The following PRKCH variants were observed in gnomAD, a reference collection of about 807,000 sequenced individuals.
The protein encoded by PRKCH is protein kinase C eta.
A neutral mutation model predicts 82.5 loss-of-function variants in PRKCH; 28 were observed. The observed-to-expected ratio is 0.34, with a 90% confidence interval of 0.25 to 0.47. The LOEUF is 0.47. PRKCH is among the 20% of genes least tolerant of loss of function. The pLI is 1.00. For missense variants in PRKCH, 705 were observed against 881.8 expected (o/e 0.80, Z 2.54); for synonymous variants, 322 against 327.4 (o/e 0.98, Z 0.18).
At chr14:61,514,685 C>T (rs2042797007) in intron 10 of PRKCH, among the ~76,000 whole-genome samples, 1 of 152,120 alleles carries the variant, frequency 6.6e-6, no homozygotes, top group African/African-American at 2.4e-5. Flanking sequence ...GAGGGAGTTG[C>T]TGTTCAGATT....
intron 1 of PRKCH, among the ~76,000 whole-genome samples, chr14:61,282,518 G>C (rs1189231355): frequency 6.6e-6 from 1 of 152,042 alleles, no homozygotes; most frequent in East Asian, 1.9e-4. Flanking sequence ...TTTAACAGAG[G>C]AATGTTGTTA....
At chr14:61,250,199 C>A (rs1406400402) in intron 1 of PRKCH, among the ~76,000 whole-genome samples, 1 of 150,154 alleles carries the variant, frequency 6.7e-6, no homozygotes, top group Non-Finnish European at 1.5e-5. Flanking sequence ...TGCAGTGAGC[C>A]GAACTCCAGC....
chr14:61,343,115 C>A (rs897679040), intron 1 of PRKCH, among the ~76,000 whole-genome samples: 1 of 152,168 alleles, frequency 6.6e-6, no homozygotes, highest in Admixed American at 6.5e-5. Context: ...AATATAATCG[C>A]TACTTAACTG....
At chr14:61,395,978 G>T (rs993595042) in intron 2 of PRKCH, among the ~76,000 whole-genome samples, 2 of 151,934 alleles carry the variant, frequency 1.3e-5, no homozygotes, top group African/African-American at 2.4e-5. Context: ...TACTTGGGAG[G>T]CTGAGGTGGG....
chr14:61,228,768 C>T (rs1720066672), intron 1 of PRKCH, among the ~76,000 whole-genome samples: 1 of 152,052 alleles, frequency 6.6e-6, no homozygotes, highest in African/African-American at 2.4e-5. Flanking sequence ...GTGTCAGGTA[C>T]CGTGGCTCAT....
chr14:61,203,474 C>A (rs894720433), intron 1 of PRKCH, among the ~76,000 whole-genome samples: 1 of 151,988 alleles, frequency 6.6e-6, no homozygotes, highest in Non-Finnish European at 1.5e-5. Flanking sequence ...AATGACAGGA[C>A]TGAAGATTTG....
intron 1 of PRKCH, among the ~76,000 whole-genome samples, chr14:61,214,915 T>C (rs1370341552): frequency 6.6e-6 from 1 of 152,234 alleles, no homozygotes; most frequent in African/African-American, 2.4e-5. Context: ...GATGTTCTAG[T>C]TGAGCATATT....
At chr14:61,313,362 A>G (rs1313040852) in intron 1 of PRKCH, among the ~76,000 whole-genome samples, 1 of 152,244 alleles carries the variant, frequency 6.6e-6, no homozygotes, top group African/African-American at 2.4e-5. Flanking sequence ...CTTTAGAGAA[A>G]ATGATTACTA....
At chr14:61,343,875 C>G (rs1479385668) in intron 1 of PRKCH, among the ~76,000 whole-genome samples, 1 of 152,180 alleles carries the variant, frequency 6.6e-6, no homozygotes, top group Non-Finnish European at 1.5e-5. Flanking sequence ...TTTGCCTTTT[C>G]CCTGGTCCGG....
intron 1 of PRKCH, among the ~76,000 whole-genome samples, chr14:61,297,726 G>T (rs1334226615): frequency 1.3e-5 from 2 of 151,894 alleles, no homozygotes; most frequent in African/African-American, 4.8e-5. Flanking sequence ...AGTTCAGGGG[G>T]TAATGCTGGC....
At chr14:61,389,176 G>A (rs998902437) in intron 1 of PRKCH, among the ~76,000 whole-genome samples, 1 of 152,176 alleles carries the variant, frequency 6.6e-6, no homozygotes, top group Non-Finnish European at 1.5e-5. Context: ...AGGAGTTCAA[G>A]ACCAGTCTGG....
chr14:61,377,223 T>C (rs1475376539), intron 1 of PRKCH, among the ~76,000 whole-genome samples: 1 of 152,210 alleles, frequency 6.6e-6, no homozygotes, highest in African/African-American at 2.4e-5. Flanking sequence ...ACCTCTCAGA[T>C]TGTATTTTCT....
rs9788588 is a variant in PRKCH, at chr14:61,248,894, C to A, written c.-19+61226C>A. Among the ~76,000 whole-genome samples, 60 of 152,000 alleles carry A rather than the reference C, an allele frequency of 3.9e-4. No homozygotes were observed. The East Asian group carries it at 9.7e-3, about 25-fold the overall frequency. The stretch of plus-strand genomic sequence containing the variant: ...TCGGGTCACTGCAACCTCTGCCTCC[C>A]GGATTCAAGCAACTCTCATGCCTCA... On this transcript the variant is annotated intron_variant, in intron 1 of 3. Transcript: ENST00000555185.
At chr14:61,439,710 G>A (rs1476935272) in intron 2 of PRKCH, among the ~76,000 whole-genome samples, 1 of 152,126 alleles carries the variant, frequency 6.6e-6, no homozygotes, top group Non-Finnish European at 1.5e-5. Context: ...GGGGGAGTTT[G>A]CTCAGGCTCT....
At chr14:61,481,990 C>CTTTTTTTTTTTTT (rs35134897) in intron 9 of PRKCH, among the ~76,000 whole-genome samples, 3 of 101,078 alleles carry the variant, frequency 3.0e-5, no homozygotes, top group African/African-American at 4.2e-5. Flanking sequence ...TTTCCTTTTC[C>CTTTTTTTTTTTTT]TTTTTTTTTT....
intron 1 of PRKCH, among the ~76,000 whole-genome samples, chr14:61,239,106 G>C (rs188793722): frequency 6.6e-6 from 1 of 152,108 alleles, no homozygotes; most frequent in African/African-American, 2.4e-5. Flanking sequence ...CACCAGGCTC[G>C]CTGTTCCCTC....
At chr14:61,507,248 C>CAT (rs1341124493) in intron 10 of PRKCH, among the ~76,000 whole-genome samples, 1 of 152,148 alleles carries the variant, frequency 6.6e-6, no homozygotes, top group Non-Finnish European at 1.5e-5. Flanking sequence ...AATATCACCT[C>CAT]ATACGTGTTA....
chr14:61,290,631 AG>A (rs2045353008), intron 1 of PRKCH, among the ~76,000 whole-genome samples: 2 of 152,242 alleles, frequency 1.3e-5, no homozygotes, highest in South Asian at 4.1e-4. Flanking sequence ...TAAGAAAGAC[AG>A]GGTTTGAACA....
intron 1 of PRKCH, among the ~76,000 whole-genome samples, chr14:61,340,522 C>T (rs78497564): frequency 6.6e-6 from 1 of 152,146 alleles, no homozygotes; most frequent in East Asian, 1.9e-4. Flanking sequence ...TGTCTTCCCC[C>T]CTGAGCCCAA....
Sources: gnomAD v4.1 joint callset for allele counts (sites outside exome capture counted in the v4.1 genomes callset) on GRCh38, gnomAD v4.1.1 for gene constraint, MANE v1.5 for transcripts, NCBI Gene and HGNC (gene_info 2026-07-23, HGNC 2026-07-21) for gene names.